AFMID: variants seen among roughly 807,000 people sequenced by gnomAD.
AFMID encodes arylformamidase.
A neutral mutation model predicts 47.5 loss-of-function variants in AFMID; 39 were observed. The observed-to-expected ratio is 0.82, with a 90% CI of 0.64 to 1.07. AFMID has a LOEUF of 1.07. Among genes scored for constraint, AFMID ranks in the 50% least tolerant of loss-of-function variants. The pLI, the probability that AFMID is intolerant of heterozygous loss-of-function variation, is 0.00. For missense variants in AFMID, 375 were observed against 387.5 expected (o/e 0.97, Z 0.27); for synonymous variants, 130 against 153.2 (o/e 0.85, Z 1.12).
At chr17:78,191,697 CT>C (rs577506545) in intron 2 of AFMID, among the ~76,000 whole-genome samples, 20 of 143,096 alleles carry the variant, frequency 1.4e-4, no homozygotes, top group East Asian at 9.3e-4. Context: ...AATGAAGCCT[CT>C]TTTTTTTTTG....
At chr17:78,193,310 G>T (rs1435317410) in intron 2 of AFMID, among the ~76,000 whole-genome samples, 1 of 145,474 alleles carries the variant, frequency 6.9e-6, no homozygotes, top group Non-Finnish European at 1.5e-5. Flanking sequence ...GGTGGAGCTT[G>T]CAGTGAGCCG....
chr17:78,202,505 C>T lies in AFMID; in HGVS notation c.161C>T (p.Thr54Ile). ...TTGTCCATTTCTGAGACAGCCACCA[C>T]AAGGGCCCGGGCCACCAGGAAGAGC... ...TYSQIGIEATTRARATRKSLL... is the reference protein window; with the variant it reads ...TYSQIGIEATIRARATRKSLL... The change falls in exon 3 of 11, where the codon ACA becomes ATA. Residue 54 changes from threonine (T) to isoleucine (I), a missense_variant. By Grantham distance (89) the Thr-to-Ile change is moderately conservative. Coordinates refer to ENST00000409257, the MANE Select transcript of AFMID (RefSeq NM_001010982.5). 6.2e-7 allele frequency: 1 copy of T among 1,614,098 alleles called. No homozygotes were observed. Among genetic ancestry groups the T allele is most frequent in the East Asian group, 2.2e-5 (1 of 44,866 alleles).
intron 10 of AFMID, among the ~76,000 whole-genome samples, chr17:78,206,419 T>G (rs997720010): frequency 2.0e-5 from 3 of 151,544 alleles, no homozygotes; most frequent in African/African-American, 4.8e-5. Context: ...CTTTCTTTTT[T>G]TTTTTCTTTA....
chr17:78,202,502 C>T lies in AFMID; in HGVS notation c.158C>T (p.Thr53Ile), dbSNP rs1039844207. The T allele has an allele frequency of 6.2e-7, 1 of 1,613,962 alleles. No individual in the cohort carries two copies. The highest frequency in any genetic ancestry group is 1.3e-5 in the African/African-American group (1 of 74,930). The change falls in exon 3 of 11, where the codon ACC (threonine) becomes ATC (isoleucine). Residue 53 changes from threonine (T) to isoleucine (I), a missense_variant. Thr to Ile is a moderately conservative substitution (Grantham distance 89). Coordinates refer to ENST00000409257, the MANE Select transcript of AFMID (RefSeq NM_001010982.5). ...RTYSQIGIEATTRARATRKSL... is the reference protein window; with the variant it reads ...RTYSQIGIEAITRARATRKSL... ...GACTTGTCCATTTCTGAGACAGCCA[C>T]CACAAGGGCCCGGGCCACCAGGAAG...
rs1400099116 is a variant in AFMID at position 78,205,077 on chromosome 17, C to T, written c.468-16C>T. The T allele has an allele frequency of 6.2e-7, 1 of 1,601,940 alleles. No individual in the cohort carries two copies. Among genetic ancestry groups the T allele is most frequent in the Non-Finnish European group, 8.5e-7 (1 of 1,173,350 alleles). The stretch of plus-strand genomic sequence containing the variant: ...AACTGCGTGCAAATCCAGCTCTCTG[C>T]TCTGACCCCTCCCAGGGGAATTTAC... On this transcript the variant is annotated splice_polypyrimidine_tract_variant and intron_variant, in intron 6 of 10. Coordinates refer to ENST00000409257, the MANE Select transcript of AFMID (RefSeq NM_001010982.5).
At chr17:78,193,121 C>T (rs1459421152) in intron 2 of AFMID, among the ~76,000 whole-genome samples, 4 of 152,090 alleles carry the variant, frequency 2.6e-5, no homozygotes, top group African/African-American at 9.7e-5. Flanking sequence ...CCTGTAATCC[C>T]AGCACTTTGG....
Position 78,204,839 on chromosome 17 carries a change from CACA to C in AFMID, c.407_409del (p.His136_Met137delinsLeu). 6.2e-7 allele frequency: 1 copy of C among 1,614,204 alleles called. No individual in the cohort carries two copies. The highest frequency in any genetic ancestry group is 1.1e-5 in the South Asian group (1 of 91,082). ...TGCTCTCTGTGCAGGCACCCTGGAC[CACA>C]TGGTAGACCAGGTGACCCGCAGCGT... On this transcript the variant is annotated inframe_deletion, in exon 6 of 11. Coordinates refer to ENST00000409257, the MANE Select transcript of AFMID (RefSeq NM_001010982.5).
At chr17:78,201,121 C>T (rs575651374) in intron 2 of AFMID, among the ~76,000 whole-genome samples, 6 of 151,900 alleles carry the variant, frequency 3.9e-5, no homozygotes, top group East Asian at 1.9e-4. Context: ...TTCAGCCTCC[C>T]GAGTAGCCGG....
At chr17:78,202,775 G>A (rs1246223280) in intron 4 of AFMID, 24 bp downstream of exon 4, 15 of 1,552,474 alleles carry the variant, frequency 9.7e-6, no homozygotes, top group Non-Finnish European at 1.3e-5. Context: ...TGTGGATGGT[G>A]GACTGCAAGA....
At chr17:78,193,206 C>T (rs2076018319) in intron 2 of AFMID, among the ~76,000 whole-genome samples, 2 of 151,730 alleles carry the variant, frequency 1.3e-5, no homozygotes, top group Middle Eastern at 3.4e-3. Context: ...CCCATCTCTA[C>T]TAAAAATATA....
chr17:78,202,436 A>G, intron 2 of AFMID, 63 bp from the exon 3 acceptor site: 16 of 1,541,666 alleles, frequency 1.0e-5, no homozygotes, highest in Non-Finnish European at 1.4e-5. Flanking sequence ...CTCAAAAAAA[A>G]GAAAAGAAAA....
intron 2 of AFMID, chr17:78,197,332 A>G: frequency 1.2e-6 from 1 of 854,186 alleles, no homozygotes; most frequent in South Asian, 1.7e-5. Context: ...TACCCCTGAG[A>G]GTGCGTCCTA....
rs752166435 is a variant in AFMID, at chr17:78,205,665, C to T, written c.707C>T (p.Thr236Ile). The change falls in exon 9 of 11, where the codon ACC becomes ATC. Residue 236 changes from threonine (T) to isoleucine (I), a missense_variant. Transcript: ENST00000409257. The part of the protein sequence containing the change: ...KVAQAQPVDP[T>I]CRVLVVVGQF... ...GCCCAGGCACAGCCGGTGGACCCCA[C>T]CTGCCGTGTGCTGGTGGTCGTGGGC... 4 of 1,613,610 alleles carry T rather than the reference C, an allele frequency of 2.5e-6. No individual in the cohort carries two copies. In the Admixed American group the frequency reaches 5.0e-5, roughly 20 times the overall value.
At chr17:78,192,666 T>G (rs186191233) in intron 2 of AFMID, 2 of 470,772 alleles carry the variant, frequency 4.2e-6, no homozygotes, top group Non-Finnish European at 8.8e-6. Flanking sequence ...TGTAAACTAG[T>G]GAAGTCTTAA....
chr17:78,202,418 G>A, intron 2 of AFMID, 81 bp from the exon 3 acceptor site: 2 of 1,409,804 alleles, frequency 1.4e-6, no homozygotes, highest in Admixed American at 1.8e-5. Flanking sequence ...AACAGAGTGA[G>A]ACTTCGTCTC....
At chr17:78,204,016 T>A (rs2076313149) in intron 4 of AFMID, 1 of 103,780 alleles carries the variant, frequency 9.6e-6, no homozygotes, top group African/African-American at 4.1e-5. Flanking sequence ...AGAGCGAGAC[T>A]CTGTCTCAAA....
chr17:78,206,950 T>G lies in AFMID; in HGVS notation c.*13T>G, dbSNP rs1006525741. ...AATCTTCCAGTAGTTCTGACGATAC[T>G]TGGAGCCTGGTCCACGTGCATCCCA... On this transcript the variant is annotated 3_prime_UTR_variant, in exon 11 of 11. Transcript: ENST00000409257. 1 of 1,613,938 alleles carries G rather than the reference T, an allele frequency of 6.2e-7. No homozygotes were observed. The highest frequency in any genetic ancestry group is 1.1e-5 in the South Asian group (1 of 91,076).
At chr17:78,188,658 G>A (rs1449614595) in intron 1 of AFMID, among the ~76,000 whole-genome samples, 1 of 151,494 alleles carries the variant, frequency 6.6e-6, no homozygotes, top group Non-Finnish European at 1.5e-5. Flanking sequence ...GTGCAGTGGC[G>A]CGATCTGGGC....
chr17:78,207,248 A>G lies in AFMID; in HGVS notation c.*311A>G. On this transcript the variant is annotated 3_prime_UTR_variant, in exon 11 of 11. Transcript: ENST00000409257. ...CTGCTGACAGAGCATGACAAAGATG[A>G]CGCTCAAAAGTAATGCCATTACTTC... The G allele has an allele frequency of 3.4e-6, 1 of 297,114 alleles. No individual in the cohort carries two copies. Among genetic ancestry groups the G allele is most frequent in the Non-Finnish European group, 6.1e-6 (1 of 163,154 alleles). The allele number at this position is 297,114 out of a possible 1,614,324, so 18.4% of individuals were successfully genotyped here.
Sources: allele counts gnomAD v4.1 joint callset (sites outside exome capture counted in the v4.1 genomes callset), GRCh38; gene constraint gnomAD v4.1.1; transcripts MANE v1.5; gene names NCBI Gene and HGNC (gene_info 2026-07-23, HGNC 2026-07-21).